The following CSMD1 variants were observed in gnomAD, a reference collection of about 807,000 sequenced individuals.
CSMD1 encodes the protein CUB and sushi domain-containing protein 1.
Under a neutral mutation model 417.5 loss-of-function variants are expected in CSMD1, and 213 were observed. That is an observed-to-expected ratio of 0.51 (90% CI 0.46 to 0.57). The LOEUF (loss-of-function observed/expected upper bound fraction) is 0.57, where lower values mean the gene tolerates loss of function less well. Among genes scored for constraint, CSMD1 ranks in the 20% least tolerant of loss-of-function variants. The pLI, the probability that CSMD1 is intolerant of heterozygous loss-of-function variation, is 0.00. For synonymous variants in CSMD1, 2,862 were observed against 1,736.8 expected, an observed-to-expected ratio of 1.65 and a Z score of -16.11; for missense variants, 6,923 against 4,529.7, an observed-to-expected ratio of 1.53 and a Z score of -15.17.
chr8:2,948,102 G>A (rs341723), intron 68 of CSMD1, among the ~76,000 whole-genome samples: 112,885 of 151,830 alleles, frequency 0.74, 42,874 homozygotes, highest in East Asian at 0.88. Flanking sequence ...CTTCTTTATA[G>A]TAATACTGTG....
chr8:3,135,281 A>G (rs142462768), intron 41 of CSMD1, among the ~76,000 whole-genome samples: 147 of 152,340 alleles, frequency 9.6e-4, no homozygotes, highest in Non-Finnish European at 1.6e-3. Context: ...AGAAAACACT[A>G]ATAAAAATCT....
intron 1 of CSMD1, 58 bp from the exon 2 acceptor site, chr8:4,637,616 T>C: frequency 9.5e-7 from 1 of 1,054,844 alleles, no homozygotes. Context: ...TAATCTGTGA[T>C]TTAAAAAATT....
chr8:3,305,647 C>A (rs1046025131), intron 25 of CSMD1, among the ~76,000 whole-genome samples: 8 of 152,158 alleles, frequency 5.3e-5, no homozygotes. Flanking sequence ...TCCTCCAGAA[C>A]TGTTAAGAAA....
intron 12 of CSMD1, among the ~76,000 whole-genome samples, chr8:3,438,228 A>T (rs537059340): frequency 6.6e-6 from 1 of 152,296 alleles, no homozygotes; most frequent in Admixed American, 6.5e-5. Flanking sequence ...AGGTAATACA[A>T]AGTTCTCATG....
chr8:3,641,515 A>T (rs190367058), intron 7 of CSMD1, among the ~76,000 whole-genome samples: 189 of 152,356 alleles, frequency 1.2e-3, no homozygotes, highest in African/African-American at 4.3e-3. Flanking sequence ...TCTCTTGGGC[A>T]AACTTCATTA....
intron 46 of CSMD1, among the ~76,000 whole-genome samples, chr8:3,098,820 G>C (rs1247647378): frequency 6.6e-6 from 1 of 152,114 alleles, no homozygotes; most frequent in African/African-American, 2.4e-5. Context: ...GCTTTCCTTG[G>C]CTCTGACGTG....
At chr8:4,637,293 C>T (rs746737400) in intron 2 of CSMD1, 49 bp downstream of exon 2, 3 of 1,397,924 alleles carry the variant, frequency 2.1e-6, no homozygotes, top group South Asian at 1.2e-5. Context: ...ATTTCATAAT[C>T]TGTGTATTCA....
Position 4,267,390 on chromosome 8 carries a change from A to C in CSMD1, c.415+152563T>G. Among the ~76,000 whole-genome samples the C allele has an allele frequency of 4.4e-5, 2 of 45,918 alleles. 1 individual carries two copies. Among genetic ancestry groups the C allele is most frequent in the Non-Finnish European group, 2.2e-4 (2 of 9,130 alleles). The allele number at this position is 45,918 out of a possible 152,430, so 30.1% of individuals were successfully genotyped here. On this transcript the variant is annotated intron_variant, in intron 3 of 69. Coordinates refer to ENST00000635120, the MANE Select transcript of CSMD1 (RefSeq NM_033225.6). ...AAGGGAGTCTTAGGATTAACTATGA[A>C]CTCTGAAAGATCTATGTGAAGAAAA...
intron 41 of CSMD1, among the ~76,000 whole-genome samples, chr8:3,137,884 A>C (rs146939503): frequency 6.6e-6 from 1 of 152,344 alleles, no homozygotes; most frequent in East Asian, 1.9e-4. Flanking sequence ...GATTTTAAAA[A>C]GTCCCAGGGT....
At chr8:3,999,437 A>T (rs765015383) in intron 4 of CSMD1, among the ~76,000 whole-genome samples, 1 of 152,116 alleles carries the variant, frequency 6.6e-6, no homozygotes, top group Non-Finnish European at 1.5e-5. Context: ...TATTTCTTTC[A>T]TCTTTCAGCG....
intron 5 of CSMD1, among the ~76,000 whole-genome samples, chr8:3,838,413 G>A (rs925067721): frequency 7.0e-6 from 1 of 143,818 alleles, no homozygotes; most frequent in Non-Finnish European, 1.5e-5. Context: ...TATATAGAGA[G>A]AGACTATATA....
intron 26 of CSMD1, among the ~76,000 whole-genome samples, chr8:3,243,449 A>G (rs1400097019): frequency 7.3e-6 from 1 of 137,622 alleles, no homozygotes; most frequent in Non-Finnish European, 1.5e-5. Flanking sequence ...GAGTAGGTAA[A>G]GGAAAATTAC....
At chr8:3,627,225 G>C (rs531313599) in intron 7 of CSMD1, among the ~76,000 whole-genome samples, 3 of 152,238 alleles carry the variant, frequency 2.0e-5, no homozygotes, top group Non-Finnish European at 4.4e-5. Flanking sequence ...AGAGAACTGA[G>C]TTTAAGATTG....
intron 5 of CSMD1, among the ~76,000 whole-genome samples, chr8:3,803,038 A>G (rs1800543529): frequency 6.6e-6 from 1 of 152,160 alleles, no homozygotes; most frequent in Non-Finnish European, 1.5e-5. Context: ...ATCCAGAAAA[A>G]AATGCGGAAG....
intron 26 of CSMD1, among the ~76,000 whole-genome samples, chr8:3,271,118 C>A (rs565122352): frequency 5.3e-4 from 75 of 140,806 alleles, no homozygotes; most frequent in African/African-American, 2.0e-3. Context: ...GTGATGTTCC[C>A]CTTCCTGTGT....
chr8:4,828,445 T>C (rs1195401665), intron 1 of CSMD1, among the ~76,000 whole-genome samples: 5 of 152,108 alleles, frequency 3.3e-5, no homozygotes, highest in Non-Finnish European at 7.4e-5. Flanking sequence ...CAGATAATCT[T>C]CTCTCAGCCA....
At chr8:4,746,943 A>T (rs1163135851) in intron 1 of CSMD1, among the ~76,000 whole-genome samples, 3 of 152,190 alleles carry the variant, frequency 2.0e-5, no homozygotes, top group African/African-American at 2.4e-5. Flanking sequence ...GATGATTCAA[A>T]TGCCATCCCA....
At chr8:4,867,302 T>C (rs1379322) in intron 1 of CSMD1, among the ~76,000 whole-genome samples, 137,685 of 152,066 alleles carry the variant, frequency 0.91, 63,481 homozygotes, top group Non-Finnish European at 0.98. Flanking sequence ...GGAAAATTAA[T>C]TGCCCCACTG....
At chr8:3,826,593 C>G (rs1339334014) in intron 5 of CSMD1, among the ~76,000 whole-genome samples, 1 of 152,072 alleles carries the variant, frequency 6.6e-6, no homozygotes, top group East Asian at 1.9e-4. Context: ...CTGGCCCAGC[C>G]CAGCTTTCCT....
Sources: gnomAD v4.1 joint callset for allele counts (sites outside exome capture counted in the v4.1 genomes callset) on GRCh38, gnomAD v4.1.1 for gene constraint, MANE v1.5 for transcripts, NCBI Gene and HGNC (gene_info 2026-07-23, HGNC 2026-07-21) for gene names.